Variants in ABCA8 observed in about 807,000 individuals in gnomAD.
ABCA8 encodes the protein ABC-type organic anion transporter ABCA8.
ABCA8 carries 177 observed loss-of-function variants against 192.3 expected under a neutral mutation model. That is an observed-to-expected ratio of 0.92 (90% CI 0.81 to 1.04). ABCA8 has a LOEUF of 1.04. Ranked by LOEUF, ABCA8 falls within the 50% of genes least tolerant of loss-of-function variation. ABCA8 has a pLI of 0.00. For missense variants in ABCA8, 1,915 were observed against 1,904.8 expected, an observed-to-expected ratio of 1.01 and a Z score of -0.10; for synonymous variants, 642 against 690.2, an observed-to-expected ratio of 0.93 and a Z score of 1.09.
Position 68,911,606 on chromosome 17 carries a change from C to T in ABCA8, c.2139-3727G>A, listed in dbSNP as rs1321637351. Among the ~76,000 whole-genome samples, 2 of 152,158 alleles carry T rather than the reference C, an allele frequency of 1.3e-5. No homozygotes were observed. The highest frequency in any genetic ancestry group is 4.8e-5 in the African/African-American group (2 of 41,446). ...AGAGTGAACATTGGCGGTAGCCAGG[C>T]AGTGGTCGCTGCGGGTCTTGGGAAA... On this transcript the variant is annotated intron_variant, in intron 17 of 39. Coordinates refer to ENST00000586539, the MANE Select transcript of ABCA8 (RefSeq NM_001288985.2). The surrounding 1 kb of genome is among the most constrained non-coding windows in gnomAD (Gnocchi z 5.7).
intron 21 of ABCA8, among the ~76,000 whole-genome samples, chr17:68,896,032 T>G (rs557407752): frequency 3.2e-4 from 48 of 152,212 alleles, no homozygotes; most frequent in Admixed American, 5.2e-4. Context: ...TCAGGCACGA[T>G]CCATGCTTCC....
rs936031364 is a variant in ABCA8, at chr17:68,877,450, G to A, written c.4199+69C>T. 5 of 1,401,830 alleles carry A rather than the reference G, an allele frequency of 3.6e-6. No homozygotes were observed. The South Asian group carries it at 5.3e-5, about 15-fold the overall frequency. 86.8% of individuals were successfully genotyped at this position (1,401,830 alleles called of 1,614,324 possible). A position where few individuals can be genotyped will look rare whatever the true frequency, so the allele number is the denominator to read the frequency against. On this transcript the variant is annotated intron_variant, in intron 33 of 39. Coordinates refer to ENST00000586539, the MANE Select transcript of ABCA8 (RefSeq NM_001288985.2). ...GAGTCTCCCATCCTGAATTTCCTGT[G>A]AGGGTCATCACTCTCAACCTCCTCC...
chr17:68,895,527 A>G (rs2066728860), intron 21 of ABCA8, among the ~76,000 whole-genome samples: 1 of 152,186 alleles, frequency 6.6e-6, no homozygotes, highest in East Asian at 1.9e-4. Flanking sequence ...CATACAGAAA[A>G]TGATGACACA....
At chr17:68,948,191 T>C (rs982405779) in intron 2 of ABCA8, among the ~76,000 whole-genome samples, 2 of 152,214 alleles carry the variant, frequency 1.3e-5, no homozygotes, top group Middle Eastern at 3.2e-3. Flanking sequence ...TTGTAAATAG[T>C]GCTGCAATAA....
chr17:68,932,342 C>T lies in ABCA8; in HGVS notation c.743G>A (p.Arg248Lys), dbSNP rs2067919324. The T allele has an allele frequency of 6.2e-7, 1 of 1,613,978 alleles. No individual in the cohort carries two copies. The highest frequency in any genetic ancestry group is 1.3e-5 in the African/African-American group (1 of 74,900). Residue 248 changes from arginine to lysine, a missense_variant, in exon 7 of 40, where the codon AGG becomes AAG. Transcript: ENST00000586539. ...TGTCATCAAGGCCTTCATCCTTTTC[C>T]TCTCTCTTGTGACATTAACAGATGC... Reference protein sequence around the residue: ...YYASVNVTRERKRMKALMTMM... With the variant: ...YYASVNVTREKKRMKALMTMM...
rs375436661 is a variant in ABCA8, at chr17:68,929,040, G to C, written c.1125+9C>G. 1 of 1,477,012 alleles carries C rather than the reference G, an allele frequency of 6.8e-7. No individual in the cohort carries two copies. The highest frequency in any genetic ancestry group is 1.4e-5 in the African/African-American group (1 of 70,946). The allele number at this position is 1,477,012 out of a possible 1,614,324, so 91.5% of individuals were successfully genotyped here. A position where few individuals can be genotyped will look rare whatever the true frequency, so the allele number is the denominator to read the frequency against. On this transcript the variant is annotated intron_variant, in intron 9 of 39. Coordinates refer to ENST00000586539, the MANE Select transcript of ABCA8 (RefSeq NM_001288985.2). Reference sequence around the variant, plus strand: ...AATGCCATTAATAGACATTCAGATGGCATCTCACCTGGGCCATTCCAAGCA... The same window carrying C: ...AATGCCATTAATAGACATTCAGATGCCATCTCACCTGGGCCATTCCAAGCA...
intron 1 of ABCA8, among the ~76,000 whole-genome samples, chr17:68,954,835 A>T (rs2068670503): frequency 6.6e-6 from 1 of 152,208 alleles, no homozygotes; most frequent in Non-Finnish European, 1.5e-5. Context: ...ATTATTGTGC[A>T]ATCAAAGTAG....
intron 4 of ABCA8, among the ~76,000 whole-genome samples, chr17:68,940,425 A>T (rs1406281410): frequency 6.6e-6 from 1 of 152,168 alleles, no homozygotes; most frequent in Non-Finnish European, 1.5e-5. Flanking sequence ...TCAGAGTCAC[A>T]TGTCAACATA....
chr17:68,942,297 G>GCA (rs1453097709), intron 2 of ABCA8, among the ~76,000 whole-genome samples: 1 of 152,068 alleles, frequency 6.6e-6, no homozygotes, highest in East Asian at 1.9e-4. Flanking sequence ...AATTCACTCT[G>GCA]CATAGCCTGC....
chr17:68,870,958 C>G (rs774155774), intron 37 of ABCA8, among the ~76,000 whole-genome samples: 2 of 152,116 alleles, frequency 1.3e-5, no homozygotes, highest in Non-Finnish European at 2.9e-5. Context: ...TGCATTTCTA[C>G]CAAAAGTGTG....
At position 68,884,326 on chromosome 17, in the gene ABCA8, C is replaced by T; in HGVS notation, c.3615+5G>A. 1 of 1,570,534 alleles carries T rather than the reference C, an allele frequency of 6.4e-7. No individual in the cohort carries two copies. Among genetic ancestry groups the T allele is most frequent in the Non-Finnish European group, 8.6e-7 (1 of 1,165,354 alleles). On this transcript the variant is annotated splice_donor_5th_base_variant and intron_variant, in intron 28 of 39. Transcript: ENST00000586539. ...GATAATTTTTAAAGAACAGTGTGTT[C>T]TTACAATTAGGAATACCAGAAATGG... is the stretch of plus-strand genomic sequence containing the variant.
chr17:68,867,502 A>G lies in ABCA8; in HGVS notation c.*583T>C, dbSNP rs1472153277. ...TAAAAAAGTACAATATATTTGAAAT[A>G]GTAGGGTTTTTGTTTTCCATTTATG... On this transcript the variant is annotated 3_prime_UTR_variant, in exon 40 of 40. Coordinates refer to ENST00000586539, the MANE Select transcript of ABCA8 (RefSeq NM_001288985.2). 1 of 152,210 alleles carries G rather than the reference A, an allele frequency of 6.6e-6. No homozygotes were observed. The highest frequency in any genetic ancestry group is 6.5e-5 in the Admixed American group (1 of 15,272). The allele number at this position is 152,210 out of a possible 1,614,324, so 9.4% of individuals were successfully genotyped here. A position where few individuals can be genotyped will look rare whatever the true frequency, so the allele number is the denominator to read the frequency against.
intron 33 of ABCA8, 94 bp downstream of exon 33, chr17:68,877,423 TAG>T: frequency 1.6e-6 from 2 of 1,215,588 alleles, no homozygotes; most frequent in Non-Finnish European, 2.3e-6. Flanking sequence ...GGTCAGCATT[TAG>T]AGTCTCCCAT....
chr17:68,915,669 T>C (rs1425051324), intron 17 of ABCA8, among the ~76,000 whole-genome samples: 1 of 152,216 alleles, frequency 6.6e-6, no homozygotes, highest in Non-Finnish European at 1.5e-5. Flanking sequence ...CATCGTACTC[T>C]GTTGGTGGGA....
In ABCA8 at chr17:68,880,659, G is replaced by A. The variant is rs570073220; in HGVS notation, c.4038+461C>T. The A allele has an allele frequency of 4.7e-5, 8 of 168,564 alleles. No individual in the cohort carries two copies. The East Asian group carries it at 1.4e-3, about 29-fold the overall frequency. The allele number at this position is 168,564 out of a possible 1,614,324, so 10.4% of individuals were successfully genotyped here. On this transcript the variant is annotated intron_variant, in intron 32 of 39. Transcript: ENST00000586539. ...GCTTGCAGTATGCAAGCATGGAGGT[G>A]GCGCCTGTGCCAGTGCCTGGAGCAG...
In ABCA8 at chr17:68,929,636, T is replaced by C. The variant is rs758507270; in HGVS notation, c.864A>G (p.Ile288Met). The part of the protein sequence containing the change: ...FIMALFLALV[I>M]RSTQFIILSG... ...ACAAAATGATAAACTGGGTAGATCT[T>C]ATAACAAGTGCCAAGAAAAGGGCCA... The change falls in exon 8 of 40, where the codon ATA becomes ATG. Residue 288 changes from isoleucine to methionine, a missense_variant. Coordinates refer to ENST00000586539, the MANE Select transcript of ABCA8 (RefSeq NM_001288985.2). The C allele has an allele frequency of 6.2e-7, 1 of 1,613,458 alleles. No individual in the cohort carries two copies. The highest frequency in any genetic ancestry group is 8.5e-7 in the Non-Finnish European group (1 of 1,179,688).
chr17:68,937,121 G>T lies in ABCA8; in HGVS notation c.302-6C>A, dbSNP rs756333899. ...CAGTCCCAAGACCTCTTTACCTTTT[G>T]TTACAAGAAGGAATATTATTGTTAG... On this transcript the variant is annotated splice_polypyrimidine_tract_variant and splice_region_variant and intron_variant, in intron 4 of 39. Transcript: ENST00000586539. 1 of 1,581,190 alleles carries T rather than the reference G, an allele frequency of 6.3e-7. No individual in the cohort carries two copies. Among genetic ancestry groups the T allele is most frequent in the South Asian group, 1.2e-5 (1 of 84,722 alleles).
At chr17:68,953,768 T>C (rs900275539) in intron 1 of ABCA8, among the ~76,000 whole-genome samples, 6 of 152,204 alleles carry the variant, frequency 3.9e-5, no homozygotes, top group Non-Finnish European at 8.8e-5. Flanking sequence ...AATCACATCA[T>C]GTTCTTTGCT....
chr17:68,902,674 C>G (rs1208610601), intron 21 of ABCA8, 39 bp downstream of exon 21: 1 of 1,557,696 alleles, frequency 6.4e-7, no homozygotes, highest in Admixed American at 1.7e-5. Context: ...CTGCTCTGAA[C>G]AGTAAATGTA....
Sources: allele counts gnomAD v4.1 joint callset (sites outside exome capture counted in the v4.1 genomes callset), GRCh38; gene constraint gnomAD v4.1.1; non-coding constraint Gnocchi (gnomAD v3.1); transcripts MANE v1.5; gene names NCBI Gene and HGNC (gene_info 2026-07-23, HGNC 2026-07-21).